The following OPCML variants were observed in gnomAD, a reference collection of about 807,000 sequenced individuals.
The protein encoded by OPCML is opioid-binding protein/cell adhesion molecule.
In OPCML, 13 loss-of-function variants were observed where a neutral mutation model predicts 37.8. That is an observed-to-expected ratio of 0.34 (90% CI 0.22 to 0.55). The LOEUF (loss-of-function observed/expected upper bound fraction) is 0.55, where lower values mean the gene tolerates loss of function less well. Ranked by LOEUF, OPCML falls within the 20% of genes least tolerant of loss-of-function variation. The probability of loss-of-function intolerance (pLI) is 0.91; values close to 1 mark genes in which losing one functional copy is unlikely to be tolerated. For synonymous variants in OPCML, 176 were observed against 168.8 expected (o/e 1.04, Z -0.33); for missense variants, 341 against 435.6 (o/e 0.78, Z 1.93).
chr11:133,314,085 A>G (rs1298535495), intron 1 of OPCML, among the ~76,000 whole-genome samples: 2 of 146,134 alleles, frequency 1.4e-5, no homozygotes, highest in East Asian at 5.2e-4. Flanking sequence ...AATACAAAAA[A>G]TTAGCCGGGC....
In OPCML at chr11:132,922,037, G is replaced by A. The variant is rs549542138; in HGVS notation, c.146+20889C>T. Among the ~76,000 whole-genome samples, 23 of 151,906 alleles carry A rather than the reference G, an allele frequency of 1.5e-4. No individual in the cohort carries two copies. In the East Asian group the frequency reaches 3.5e-3, roughly 23 times the overall value. The stretch of plus-strand genomic sequence containing the variant: ...TGGGATTACAGGCACCTGCCACTGC[G>A]CCCGGCTAATTTTTGTATTTTTAGT... On this transcript the variant is annotated intron_variant, in intron 2 of 7. Transcript: ENST00000524381.
chr11:133,420,924 T>C, intron 1 of OPCML: 1 of 985,320 alleles, frequency 1.0e-6, no homozygotes. Flanking sequence ...AGGATTACAG[T>C]GGCTGATAAT....
intron 1 of OPCML, among the ~76,000 whole-genome samples, chr11:133,048,285 C>T (rs895862293): frequency 2.6e-5 from 4 of 152,138 alleles, no homozygotes; most frequent in African/African-American, 7.2e-5. Context: ...AACTGAGACA[C>T]AGGCGTGCAT....
At chr11:133,314,455 A>T (rs763178006) in intron 1 of OPCML, among the ~76,000 whole-genome samples, 6 of 151,606 alleles carry the variant, frequency 4.0e-5, no homozygotes, top group Non-Finnish European at 8.8e-5. Context: ...ACTTCTGTGG[A>T]TATTTTTTTG....
Position 132,419,679 on chromosome 11 carries a change from T to G in OPCML, c.*514A>C, listed in dbSNP as rs2095950682. On this transcript the variant is annotated 3_prime_UTR_variant, in exon 8 of 8. Transcript: ENST00000524381. The stretch of plus-strand genomic sequence containing the variant: ...TCCCAGAAAGAAAAGACGTGAACCC[T>G]AATGGAATTAGATAATAATTAACAT... The G allele has an allele frequency of 6.5e-6, 1 of 153,812 alleles. No individual in the cohort carries two copies. The highest frequency in any genetic ancestry group is 1.9e-4 in the East Asian group (1 of 5,210). The allele number at this position is 153,812 out of a possible 1,614,324, so 9.5% of individuals were successfully genotyped here.
At chr11:132,893,866 G>T (rs923408599) in intron 2 of OPCML, among the ~76,000 whole-genome samples, 9 of 152,154 alleles carry the variant, frequency 5.9e-5, no homozygotes, top group African/African-American at 2.2e-4. Context: ...GGAGTTATAG[G>T]CTGTCTTTAC....
intron 2 of OPCML, among the ~76,000 whole-genome samples, chr11:132,687,839 C>T (rs1204474197): frequency 1.3e-5 from 2 of 152,104 alleles, no homozygotes; most frequent in Non-Finnish European, 2.9e-5. Context: ...CTTCCATACT[C>T]ACTGAAAAGT....
chr11:133,463,545 C>T (rs1363511237), intron 1 of OPCML, among the ~76,000 whole-genome samples: 1 of 152,106 alleles, frequency 6.6e-6, no homozygotes, highest in Non-Finnish European at 1.5e-5. Flanking sequence ...CTCCACCTCA[C>T]AACACCAAAT....
chr11:132,952,667 G>A (rs1415615717), intron 1 of OPCML, among the ~76,000 whole-genome samples: 1 of 152,118 alleles, frequency 6.6e-6, no homozygotes, highest in East Asian at 1.9e-4. Context: ...GAATTAAAAT[G>A]CCTGGCTTCC....
At chr11:133,161,696 G>A (rs1950143654) in intron 1 of OPCML, among the ~76,000 whole-genome samples, 1 of 152,158 alleles carries the variant, frequency 6.6e-6, no homozygotes, top group Non-Finnish European at 1.5e-5. Flanking sequence ...ATTATTAACT[G>A]AGGAAATGTA....
intron 2 of OPCML, among the ~76,000 whole-genome samples, chr11:132,800,319 A>G (rs1437609433): frequency 6.6e-6 from 1 of 152,218 alleles, no homozygotes; most frequent in Non-Finnish European, 1.5e-5. Flanking sequence ...TGGATTACTT[A>G]GGATTTTCTA....
At chr11:132,856,851 G>A (rs1272996040) in intron 2 of OPCML, among the ~76,000 whole-genome samples, 1 of 152,144 alleles carries the variant, frequency 6.6e-6, no homozygotes, top group African/African-American at 2.4e-5. Flanking sequence ...CAAGTCAAAG[G>A]CCGCACAGCA....
intron 2 of OPCML, among the ~76,000 whole-genome samples, chr11:132,923,570 CAAAT>C (rs1441933863): frequency 6.6e-6 from 1 of 152,082 alleles, no homozygotes; most frequent in Admixed American, 6.5e-5. Context: ...AATTACCACA[CAAAT>C]AAAAGTTGCT....
At chr11:133,191,374 G>T (rs1440711874) in intron 1 of OPCML, among the ~76,000 whole-genome samples, 20 of 152,068 alleles carry the variant, frequency 1.3e-4, no homozygotes, top group Admixed American at 1.3e-3. Context: ...CCTTGTTAAT[G>T]ATTGTAGAGG....
Position 133,173,194 on chromosome 11 carries a change from A to G in OPCML, c.62-230184T>C, listed in dbSNP as rs1340927444. Among the ~76,000 whole-genome samples the G allele has an allele frequency of 1.3e-5, 2 of 152,250 alleles. No homozygotes were observed. Among genetic ancestry groups the G allele is most frequent in the South Asian group, 2.1e-4 (1 of 4,832 alleles). On this transcript the variant is annotated intron_variant, in intron 1 of 7. Transcript: ENST00000524381. This position sits in a 1 kb window ranked among gnomAD's most constrained non-coding sequence, Gnocchi z 7.8. ...GAATATTTCATATGAATTCCTAAGA[A>G]AATGTCTTCCATGTTTGCTTCAAAT...
Position 132,616,954 on chromosome 11 carries a change from A to G in OPCML, c.379+40133T>C, listed in dbSNP as rs184694299. On this transcript the variant is annotated intron_variant, in intron 3 of 7. Coordinates refer to ENST00000524381, the MANE Select transcript of OPCML (RefSeq NM_001012393.5). ...ATCCCACTTTAATTCTTTTGCCCTC[A>G]TTTTAATATTTTTAATGGTGAGCAG... Among the ~76,000 whole-genome samples the G allele has an allele frequency of 1.2e-4, 18 of 152,330 alleles. No homozygotes were observed. In the East Asian group the frequency reaches 3.5e-3, roughly 29 times the overall value.
At chr11:132,573,249 T>G (rs1045281547) in intron 3 of OPCML, among the ~76,000 whole-genome samples, 17 of 151,960 alleles carry the variant, frequency 1.1e-4, no homozygotes, top group Admixed American at 9.8e-4. Context: ...CTTGTCTAAT[T>G]TCTCTTGCTG....
chr11:132,695,230 C>A (rs998483497), intron 2 of OPCML, among the ~76,000 whole-genome samples: 1 of 152,164 alleles, frequency 6.6e-6, no homozygotes, highest in Non-Finnish European at 1.5e-5. Context: ...CCCCTTAGAA[C>A]TTTGCCTGTC....
intron 2 of OPCML, among the ~76,000 whole-genome samples, chr11:132,707,805 A>G (rs1246979297): frequency 6.6e-6 from 1 of 152,140 alleles, no homozygotes; most frequent in African/African-American, 2.4e-5. Context: ...TCTGGGTAGC[A>G]CTCTTTAAGA....
Sources: allele counts gnomAD v4.1 joint callset (sites outside exome capture counted in the v4.1 genomes callset), GRCh38; gene constraint gnomAD v4.1.1; non-coding constraint Gnocchi (gnomAD v3.1); transcripts MANE v1.5; gene names NCBI Gene and HGNC (gene_info 2026-07-23, HGNC 2026-07-21).